IGF2R: variants seen among roughly 807,000 people sequenced by gnomAD.
IGF2R encodes insulin like growth factor 2 receptor.
In IGF2R, 91 loss-of-function variants were observed where a neutral mutation model predicts 270.6. That is an observed-to-expected ratio of 0.34 (90% CI 0.28 to 0.40). The LOEUF (loss-of-function observed/expected upper bound fraction) is 0.40, where lower values mean the gene tolerates loss of function less well. IGF2R is among the 10% of genes least tolerant of loss of function. The pLI is 1.00. For missense variants in IGF2R, 2,805 were observed against 3,188.3 expected, an observed-to-expected ratio of 0.88 and a Z score of 2.90; for synonymous variants, 1,316 against 1,258.9, an observed-to-expected ratio of 1.05 and a Z score of -0.96.
rs367551096 is a variant in IGF2R at position 160,078,263 on chromosome 6, C to T, written c.5379C>T (p.Val1793=). ...CDFVFEWETP[V]VCPDEVRMDG... ...TTGTGTTCGAATGGGAGACTCCTGT[C>T]GTCTGTCCTGATGAAGTGAGGATGG... Residue 1793 remains valine, a synonymous_variant, in exon 37 of 48, where the codon GTC becomes GTT. Transcript: ENST00000356956. 2.0e-4 allele frequency: 318 copies of T among 1,614,068 alleles called. 1 individual carries two copies. The highest frequency in any genetic ancestry group is 2.0e-4 in the Non-Finnish European group (238 of 1,180,010).
At chr6:160,048,052 G>A (rs1778109266) in intron 17 of IGF2R, 145 bp downstream of exon 17, 2 of 682,802 alleles carry the variant, frequency 2.9e-6, no homozygotes, top group East Asian at 2.7e-5. Flanking sequence ...TTTCAGCAGA[G>A]TGAATTCTAA....
intron 1 of IGF2R, among the ~76,000 whole-genome samples, chr6:159,986,004 T>C (rs936545775): frequency 1.3e-5 from 2 of 152,162 alleles, no homozygotes; most frequent in Admixed American, 1.3e-4. Flanking sequence ...CCCTTGAGGA[T>C]GGTCACTGAA....
At chr6:160,103,041 A>G (rs1050898144) in intron 46 of IGF2R, among the ~76,000 whole-genome samples, 4 of 152,090 alleles carry the variant, frequency 2.6e-5, no homozygotes, top group Non-Finnish European at 5.9e-5. Flanking sequence ...AGCGCCTGCT[A>G]TGTACCAGGT....
intron 10 of IGF2R, among the ~76,000 whole-genome samples, chr6:160,038,996 C>T (rs1485588824): frequency 1.3e-5 from 2 of 152,206 alleles, no homozygotes; most frequent in Non-Finnish European, 2.9e-5. Flanking sequence ...CACCCTAAAT[C>T]TGCAAAATGG....
At position 160,079,669 on chromosome 6, in the gene IGF2R, T is replaced by C; in HGVS notation, c.5568T>C (p.Cys1856=). Residue 1856 remains cysteine (C), a synonymous_variant, in exon 38 of 48, where the codon TGT becomes TGC. Transcript: ENST00000356956. ...GAGGCTGTAAGGACGGAGGAGTCTG[T>C]CTGCTCTCAGGCACCAAGGGGGCAT... The part of the protein sequence containing the change: ...EQGGCKDGGV[C]LLSGTKGASF... 6.4e-7 allele frequency: 1 copy of C among 1,566,152 alleles called. No individual in the cohort carries two copies. The highest frequency in any genetic ancestry group is 2.3e-5 in the East Asian group (1 of 42,790).
At chr6:160,013,159 C>G (rs2115209371) in intron 4 of IGF2R, among the ~76,000 whole-genome samples, 1 of 152,196 alleles carries the variant, frequency 6.6e-6, no homozygotes, top group South Asian at 2.1e-4. Context: ...GCTGAATTGA[C>G]AGTTGTGTCT....
chr6:160,044,016 G>A (rs1182584943), intron 12 of IGF2R, among the ~76,000 whole-genome samples: 1 of 152,216 alleles, frequency 6.6e-6, no homozygotes, highest in African/African-American at 2.4e-5. Flanking sequence ...CAAAAAGCAA[G>A]TGAACTAAGA....
intron 2 of IGF2R, among the ~76,000 whole-genome samples, chr6:159,996,340 G>A (rs908019541): frequency 2.0e-5 from 3 of 152,192 alleles, no homozygotes; most frequent in African/African-American, 7.2e-5. Context: ...GTGGGTCTAT[G>A]AGTCTCTGTG....
intron 10 of IGF2R, 27 bp downstream of exon 10, chr6:160,034,549 T>A: frequency 7.0e-7 from 1 of 1,423,264 alleles, no homozygotes; most frequent in Non-Finnish European, 9.9e-7. Context: ...GTTCAGCCCC[T>A]CCTCTTTGCA....
intron 1 of IGF2R, among the ~76,000 whole-genome samples, chr6:159,984,813 T>C (rs936511380): frequency 6.6e-6 from 1 of 152,222 alleles, no homozygotes; most frequent in African/African-American, 2.4e-5. Context: ...CAGTTACCCA[T>C]GGTCACTTGC....
At position 160,041,453 on chromosome 6, in the gene IGF2R, G is replaced by A. The variant is rs147685507; in HGVS notation, c.1480+729G>A. On this transcript the variant is annotated intron_variant, in intron 11 of 47. Transcript: ENST00000356956. Reference sequence around the variant, plus strand: ...ACATTGAGAACACATGGGCACAGAGGGGAACAGCACACACCATGGCCTGTT... The same window carrying A: ...ACATTGAGAACACATGGGCACAGAGAGGAACAGCACACACCATGGCCTGTT... 3.9e-5 allele frequency among the ~76,000 whole-genome samples: 6 copies of A among 152,258 alleles called. No individual in the cohort carries two copies. The East Asian group carries it at 7.7e-4, about 20-fold the overall frequency.
chr6:160,045,930 T>C, intron 14 of IGF2R, 48 bp downstream of exon 14: 4 of 1,461,206 alleles, frequency 2.7e-6, no homozygotes, highest in Non-Finnish European at 3.6e-6. Context: ...TGGAACCACT[T>C]AAGGTTTTTT....
chr6:160,103,966 T>TA, intron 47 of IGF2R, 151 bp downstream of exon 47: 3 of 574,956 alleles, frequency 5.2e-6, no homozygotes, highest in South Asian at 4.6e-5. Context: ...CTCAGCCACT[T>TA]ACGCCAGCAC....
intron 4 of IGF2R, among the ~76,000 whole-genome samples, chr6:160,024,322 G>C (rs760912576): frequency 2.6e-5 from 4 of 152,124 alleles, no homozygotes; most frequent in Admixed American, 6.5e-5. Flanking sequence ...CAGTGGAGAG[G>C]GAAAACCTGG....
At chr6:160,054,166 A>G (rs1778257368) in intron 19 of IGF2R, among the ~76,000 whole-genome samples, 1 of 152,228 alleles carries the variant, frequency 6.6e-6, no homozygotes, top group Admixed American at 6.5e-5. Context: ...GGAGGGAGGA[A>G]GACTAAGACA....
intron 1 of IGF2R, among the ~76,000 whole-genome samples, chr6:159,979,883 A>G (rs1040897755): frequency 2.6e-5 from 4 of 152,156 alleles, no homozygotes; most frequent in African/African-American, 9.7e-5. Flanking sequence ...TGAGGACTTC[A>G]GTAGATTGGT....
At chr6:160,033,521 G>A (rs1429044124) in intron 9 of IGF2R, among the ~76,000 whole-genome samples, 3 of 152,228 alleles carry the variant, frequency 2.0e-5, no homozygotes, top group Non-Finnish European at 2.9e-5. Flanking sequence ...CGTAAGGTAC[G>A]GGAGAATCAG....
intron 4 of IGF2R, among the ~76,000 whole-genome samples, chr6:160,012,303 G>A (rs1034095058): frequency 6.6e-6 from 1 of 152,164 alleles, no homozygotes; most frequent in South Asian, 2.1e-4. Context: ...GTTTGGGGGT[G>A]AGGGTGGGAG....
chr6:160,070,115 G>GCGGCT, intron 31 of IGF2R, 57 bp downstream of exon 31: 2 of 1,541,662 alleles, frequency 1.3e-6, no homozygotes, highest in Non-Finnish European at 1.8e-6. Flanking sequence ...GAGCCCATGT[G>GCGGCT]CAGGGCGGTG....
Sources: allele counts gnomAD v4.1 joint callset (sites outside exome capture counted in the v4.1 genomes callset), GRCh38; gene constraint gnomAD v4.1.1; transcripts MANE v1.5; gene names NCBI Gene and HGNC (gene_info 2026-07-23, HGNC 2026-07-21).